PAK3: variants seen among roughly 807,000 people sequenced by gnomAD.
PAK3 encodes p21 (RAC1) activated kinase 3.
Under a neutral mutation model 41.0 loss-of-function variants are expected in PAK3, and 4 were observed. The observed-to-expected ratio is 0.10, with a 90% CI of 0.05 to 0.22. The LOEUF is 0.22. Among genes scored for constraint, PAK3 ranks in the 10% least tolerant of loss-of-function variants. PAK3 has a pLI of 1.00. For missense variants in PAK3, 205 were observed against 409.9 expected, an observed-to-expected ratio of 0.50 and a Z score of 4.32; for synonymous variants, 146 against 139.6, an observed-to-expected ratio of 1.05 and a Z score of -0.32.
chrX:111,210,272 G>T (rs2094804700), intron 16 of PAK3, among the ~76,000 whole-genome samples: 1 of 112,102 alleles, frequency 8.9e-6, no homozygotes, highest in South Asian at 3.7e-4. Context: ...AACAGCCAGA[G>T]AGAATAAGTT....
intron 1 of PAK3, among the ~76,000 whole-genome samples, chrX:110,999,917 A>G (rs2091817966): frequency 9.0e-6 from 1 of 111,431 alleles, no homozygotes; most frequent in African/African-American, 3.3e-5. Context: ...GCAGTGAGCT[A>G]AGATCGCGCC....
chrX:111,077,335 G>A (rs73539064), intron 1 of PAK3, among the ~76,000 whole-genome samples: 5,223 of 111,757 alleles, frequency 0.047, 294 homozygotes, highest in African/African-American at 0.16. Flanking sequence ...AGACACAAAA[G>A]AGCCTAAAGG....
chrX:111,022,906 A>G (rs1451681542), intron 1 of PAK3, among the ~76,000 whole-genome samples: 2 of 110,478 alleles, frequency 1.8e-5, no homozygotes, highest in African/African-American at 6.6e-5. Flanking sequence ...ATATATATAT[A>G]TATACTTTAA....
At chrX:110,991,592 A>G (rs1362018246) in intron 1 of PAK3, among the ~76,000 whole-genome samples, 2 of 112,473 alleles carry the variant, frequency 1.8e-5, no homozygotes, top group Non-Finnish European at 3.8e-5. Context: ...AGCATTCAAT[A>G]GATGTTAGCT....
chrX:111,182,154 C>G (rs1012111101), intron 11 of PAK3, among the ~76,000 whole-genome samples: 2 of 111,305 alleles, frequency 1.8e-5, no homozygotes, highest in Admixed American at 9.6e-5. Flanking sequence ...CACCTGCCCC[C>G]CTTTCCTGTC....
intron 5 of PAK3, among the ~76,000 whole-genome samples, chrX:111,141,753 A>G (rs757538882): frequency 8.9e-6 from 1 of 112,096 alleles, no homozygotes; most frequent in Non-Finnish European, 1.9e-5. Flanking sequence ...CTTGTATATG[A>G]TGAATTTCTT....
intron 5 of PAK3, among the ~76,000 whole-genome samples, chrX:111,141,724 A>G (rs1191316573): frequency 8.9e-6 from 1 of 112,045 alleles, no homozygotes; most frequent in African/African-American, 3.2e-5. Flanking sequence ...ATTCTTTCTA[A>G]TAGTATGCCT....
chrX:111,213,543 AG>A, intron 16 of PAK3, among the ~76,000 whole-genome samples: 1 of 112,109 alleles, frequency 8.9e-6, no homozygotes, highest in Middle Eastern at 4.6e-3. Context: ...TATTAAGCTA[AG>A]AATGGTGAAA....
intron 1 of PAK3, among the ~76,000 whole-genome samples, chrX:110,993,046 T>C (rs770308859): frequency 9.0e-6 from 1 of 111,725 alleles, no homozygotes; most frequent in East Asian, 2.8e-4. Flanking sequence ...TCTCTTAAAA[T>C]GTGATGTCTA....
chrX:111,140,478 A>G (rs1271354094), intron 5 of PAK3, among the ~76,000 whole-genome samples: 1 of 111,594 alleles, frequency 9.0e-6, no homozygotes, highest in Non-Finnish European at 1.9e-5. Context: ...CTGAACAAGT[A>G]AAAAATGGTA....
intron 4 of PAK3, among the ~76,000 whole-genome samples, chrX:111,116,087 G>A (rs1204603249): frequency 2.7e-5 from 3 of 110,681 alleles, no homozygotes; most frequent in Non-Finnish European, 5.7e-5. Context: ...AGAGACAATC[G>A]AGACCCCCAG....
chrX:110,986,182 T>C lies in PAK3; in HGVS notation c.-28+41554T>C, dbSNP rs139195284. On this transcript the variant is annotated intron_variant, in intron 1 of 14. Transcript: ENST00000425146. The stretch of plus-strand genomic sequence containing the variant: ...CAGCCTCACCAAACTAAAAGGGAGT[T>C]GCAACCACAAAGCAAATTTAACACC... 7.1e-5 allele frequency among the ~76,000 whole-genome samples: 8 copies of C among 112,316 alleles called. 1 individual carries two copies. Among genetic ancestry groups the C allele is most frequent in the African/African-American group, 1.6e-4 (5 of 30,926 alleles).
intron 5 of PAK3, among the ~76,000 whole-genome samples, chrX:111,130,327 G>A (rs2093700612): frequency 8.9e-6 from 1 of 111,760 alleles, no homozygotes; most frequent in East Asian, 2.8e-4. Context: ...GGTCACTCTT[G>A]CAGAATCAGG....
At chrX:111,032,924 C>A (rs946853324) in intron 1 of PAK3, among the ~76,000 whole-genome samples, 4 of 111,197 alleles carry the variant, frequency 3.6e-5, no homozygotes, top group Non-Finnish European at 1.9e-5. Context: ...TCTTCTTTCC[C>A]CTCATTACTA....
chrX:111,218,305 A>G (rs1414179525), intron 17 of PAK3, among the ~76,000 whole-genome samples: 2 of 112,337 alleles, frequency 1.8e-5, no homozygotes, highest in East Asian at 5.6e-4. Flanking sequence ...ATACAAACCT[A>G]TTAAAAGGCA....
rs780630460 is a variant in PAK3 at position 111,028,001 on chromosome X, G to GTGTGTGTATATATACACATATATA, written c.-28+83378_-28+83379insGTATATATACACATATATATGTGT. ...ATATGTATATAATATATATGTGTGT[G>GTGTGTGTATATATACACATATATA]TGTGTATATATATATACATATATAT... On this transcript the variant is annotated intron_variant, in intron 1 of 14. Coordinates refer to the PAK3 transcript ENST00000425146. 5.3e-3 allele frequency among the ~76,000 whole-genome samples: 507 copies of GTGTGTGTATATATACACATATATA among 96,183 alleles called. 19 individuals carry two copies. Among genetic ancestry groups the GTGTGTGTATATATACACATATATA allele is most frequent in the Admixed American group, 0.052 (433 of 8,331 alleles). 83.5% of individuals were successfully genotyped at this position (96,183 alleles called of 115,157 possible). A position where few individuals can be genotyped will look rare whatever the true frequency, so the allele number is the denominator to read the frequency against.
At chrX:111,173,443 T>C (rs757734981) in intron 11 of PAK3, among the ~76,000 whole-genome samples, 4 of 111,319 alleles carry the variant, frequency 3.6e-5, no homozygotes, top group Non-Finnish European at 7.5e-5. Context: ...TACAGCCACA[T>C]GGATGGTATG....
chrX:111,131,163 C>T (rs2093711697), intron 5 of PAK3, among the ~76,000 whole-genome samples: 1 of 111,668 alleles, frequency 9.0e-6, no homozygotes, highest in Non-Finnish European at 1.9e-5. Flanking sequence ...TACCTTTATC[C>T]TGACAAGTTT....
At position 111,221,697 on chromosome X, in the gene PAK3, C is replaced by A. The variant is rs374241275; in HGVS notation, c.*1250C>A. 9 of 111,775 alleles carry A rather than the reference C, an allele frequency of 8.1e-5. No homozygotes were observed. In the East Asian group the frequency reaches 2.5e-3, roughly 31 times the overall value. 9.2% of individuals were successfully genotyped at this position (111,775 alleles called of 1,213,427 possible). A position where few individuals can be genotyped will look rare whatever the true frequency, so the allele number is the denominator to read the frequency against. ...AATGGGAGGTCAGTGAAGGCTACAT[C>A]CCAATCAATATTTGGCTCTAAGTAC... On this transcript the variant is annotated 3_prime_UTR_variant, in exon 18 of 18. Transcript: ENST00000372007.
Sources: allele counts gnomAD v4.1 joint callset (sites outside exome capture counted in the v4.1 genomes callset), GRCh38; gene constraint gnomAD v4.1.1; transcripts MANE v1.5; gene names NCBI Gene and HGNC (gene_info 2026-07-23, HGNC 2026-07-21).